The following USP6NL variants were observed in gnomAD, a reference collection of about 807,000 sequenced individuals.
The protein encoded by USP6NL is USP6 N-terminal like, also known as USP6 N-terminal-like protein.
In USP6NL, 26 loss-of-function variants were observed where a neutral mutation model predicts 61.9. That is an observed-to-expected ratio of 0.42 (90% CI 0.31 to 0.58). USP6NL has a LOEUF of 0.58. Ranked by LOEUF, USP6NL falls within the 20% of genes least tolerant of loss-of-function variation. The pLI, the probability that USP6NL is intolerant of heterozygous loss-of-function variation, is 0.16. For synonymous variants in USP6NL, 432 were observed against 390.1 expected, an observed-to-expected ratio of 1.11 and a Z score of -1.27; for missense variants, 1,114 against 1,034.3, an observed-to-expected ratio of 1.08 and a Z score of -1.06.
chr10:11,560,185 G>C (rs552257886), intron 2 of USP6NL, among the ~76,000 whole-genome samples: 1 of 152,280 alleles, frequency 6.6e-6, no homozygotes, highest in African/African-American at 2.4e-5. Context: ...CAGTCACTGA[G>C]TACTTGCTCT....
At chr10:11,535,276 A>G (rs1298220544) in intron 2 of USP6NL, among the ~76,000 whole-genome samples, 2 of 152,054 alleles carry the variant, frequency 1.3e-5, no homozygotes, top group Admixed American at 1.3e-4. Context: ...TTTCTCCAGT[A>G]CCCCAGTGGG....
At chr10:11,501,245 G>T in intron 6 of USP6NL, 37 bp from the exon 7 acceptor site, 1 of 1,519,510 alleles carries the variant, frequency 6.6e-7, no homozygotes, top group South Asian at 1.2e-5. Context: ...GTTACAAACT[G>T]AAAAAAACTT....
rs531901358 is a variant in USP6NL, at chr10:11,516,607, G to A, written c.195+1928C>T. On this transcript the variant is annotated intron_variant, in intron 5 of 14. Coordinates refer to ENST00000609104, the MANE Select transcript of USP6NL (RefSeq NM_014688.5). ...ACCAAAACTGTAAAAGGCAAGTCAT[G>A]CAATATGAGTGCAGTTTCCGTAAAA... 9.9e-4 allele frequency among the ~76,000 whole-genome samples: 150 copies of A among 152,264 alleles called. 2 individuals carry two copies. The highest frequency in any genetic ancestry group is 3.5e-3 in the African/African-American group (144 of 41,540).
In USP6NL at chr10:11,511,849, A is replaced by C. The variant is rs550513792; in HGVS notation, c.196-2174T>G. Among the ~76,000 whole-genome samples, 327 of 147,540 alleles carry C rather than the reference A, an allele frequency of 2.2e-3. No individual in the cohort carries two copies. Among genetic ancestry groups the C allele is most frequent in the African/African-American group, 4.5e-3 (179 of 40,210 alleles). On this transcript the variant is annotated intron_variant, in intron 5 of 14. Coordinates refer to ENST00000609104, the MANE Select transcript of USP6NL (RefSeq NM_014688.5). This position sits in a 1 kb window ranked among gnomAD's most constrained non-coding sequence, Gnocchi z 4.9. Reference sequence around the variant, plus strand: ...ATTATACACACACACACACACACACACCCCTTGGGAAGCTATAGGATCCGA... The same window carrying C: ...ATTATACACACACACACACACACACCCCCCTTGGGAAGCTATAGGATCCGA...
intron 6 of USP6NL, among the ~76,000 whole-genome samples, chr10:11,504,574 G>T (rs946474319): frequency 6.6e-6 from 1 of 152,152 alleles, no homozygotes; most frequent in Non-Finnish European, 1.5e-5. Context: ...TTATTAAAGT[G>T]GCAGAATTTA....
intron 2 of USP6NL, among the ~76,000 whole-genome samples, chr10:11,531,719 T>G (rs967149299): frequency 6.6e-6 from 1 of 152,080 alleles, no homozygotes; most frequent in African/African-American, 2.4e-5. Flanking sequence ...TCAAATTATT[T>G]TTATGATTTT....
chr10:11,585,018 T>G lies in USP6NL; in HGVS notation c.4+12613A>C, dbSNP rs1238594775. Among the ~76,000 whole-genome samples, 2 of 152,158 alleles carry G rather than the reference T, an allele frequency of 1.3e-5. No individual in the cohort carries two copies. The highest frequency in any genetic ancestry group is 2.9e-5 in the Non-Finnish European group (2 of 68,028). On this transcript the variant is annotated intron_variant, in intron 2 of 14. Transcript: ENST00000609104. This position sits in a 1 kb window ranked among gnomAD's most constrained non-coding sequence, Gnocchi z 4.5. ...AGCTACACTGCTTCATAATAAATTT[T>G]TGGAAGGTGCAAAAGGAGCATTCAA... is the stretch of plus-strand genomic sequence containing the variant.
intron 2 of USP6NL, among the ~76,000 whole-genome samples, chr10:11,555,473 G>GAGAGAA (rs1836675857): frequency 8.5e-6 from 1 of 117,250 alleles, no homozygotes; most frequent in East Asian, 2.3e-4. Flanking sequence ...GAGAGAGAAA[G>GAGAGAA]AGAGAGAGAG....
At chr10:11,609,357 G>A (rs773181735) in intron 1 of USP6NL, among the ~76,000 whole-genome samples, 27 of 152,096 alleles carry the variant, frequency 1.8e-4, no homozygotes, top group Non-Finnish European at 3.8e-4. Context: ...ATGAGCCACT[G>A]CAACCCGCCA....
Position 11,489,307 on chromosome 10 carries a change from C to A in USP6NL, c.544-85G>T, listed in dbSNP as rs566738502. ...CAGAGAAAAAGCTACTCTATAAAAA[C>A]CAGAAAATGCCTACACACATCATTT... On this transcript the variant is annotated intron_variant, in intron 9 of 14. Coordinates refer to ENST00000609104, the MANE Select transcript of USP6NL (RefSeq NM_014688.5). The surrounding 1 kb of genome is among the most constrained non-coding windows in gnomAD (Gnocchi z 5.7). 6 of 1,534,630 alleles carry A rather than the reference C, an allele frequency of 3.9e-6. No individual in the cohort carries two copies. The highest frequency in any genetic ancestry group is 1.3e-5 in the South Asian group (1 of 79,372).
At chr10:11,610,127 C>T (rs1323885300) in intron 1 of USP6NL, among the ~76,000 whole-genome samples, 1 of 152,110 alleles carries the variant, frequency 6.6e-6, no homozygotes, top group Non-Finnish European at 1.5e-5. Context: ...CCTGTACTTG[C>T]AATTAGGATT....
Position 11,470,288 on chromosome 10 carries a change from C to T in USP6NL, c.1079-6439G>A, listed in dbSNP as rs1409806929. Among the ~76,000 whole-genome samples the T allele has an allele frequency of 6.6e-6, 1 of 152,258 alleles. No individual in the cohort carries two copies. Among genetic ancestry groups the T allele is most frequent in the Non-Finnish European group, 1.5e-5 (1 of 68,006 alleles). ...ACCTCATGGAGGGCCCGCGGGGACT[C>T]GCTGGCTTTTCACAGCCTCTGTAGG... is the stretch of plus-strand genomic sequence containing the variant. On this transcript the variant is annotated intron_variant, in intron 14 of 14. Coordinates refer to ENST00000609104, the MANE Select transcript of USP6NL (RefSeq NM_014688.5). The surrounding 1 kb of genome is among the most constrained non-coding windows in gnomAD (Gnocchi z 5.4).
In USP6NL at chr10:11,591,361, G is replaced by A. The variant is rs775140065; in HGVS notation, c.4+6270C>T. 5.3e-5 allele frequency among the ~76,000 whole-genome samples: 8 copies of A among 152,042 alleles called. No individual in the cohort carries two copies. Among genetic ancestry groups the A allele is most frequent in the South Asian group, 2.1e-4 (1 of 4,832 alleles). ...AAAATTTATCTATATTATGCAATAC[G>A]TTGTAGATCTAAAAGAAAACGTTTA... is the stretch of plus-strand genomic sequence containing the variant. On this transcript the variant is annotated intron_variant, in intron 2 of 14. Transcript: ENST00000609104. This position sits in a 1 kb window ranked among gnomAD's most constrained non-coding sequence, Gnocchi z 4.7.
chr10:11,552,368 T>C (rs1382185959), intron 2 of USP6NL, among the ~76,000 whole-genome samples: 3 of 152,260 alleles, frequency 2.0e-5, no homozygotes, highest in African/African-American at 7.2e-5. Flanking sequence ...GATACTACCC[T>C]AAGTCCTACA....
At chr10:11,566,616 T>C (rs1315544284) in intron 2 of USP6NL, among the ~76,000 whole-genome samples, 1 of 152,246 alleles carries the variant, frequency 6.6e-6, no homozygotes, top group African/African-American at 2.4e-5. Flanking sequence ...CTATACAATC[T>C]ATCCAATACT....
At position 11,597,191 on chromosome 10, in the gene USP6NL, T is replaced by A. The variant is rs1838359060; in HGVS notation, c.4+440A>T. Among the ~76,000 whole-genome samples the A allele has an allele frequency of 6.6e-6, 1 of 152,242 alleles. No individual in the cohort carries two copies. Among genetic ancestry groups the A allele is most frequent in the Non-Finnish European group, 1.5e-5 (1 of 68,030 alleles). ...GTTAAGCCCAGGATAGCCTTGGTTC[T>A]TTGTTCTATCAGAGACATTGATAGA... On this transcript the variant is annotated intron_variant, in intron 2 of 14. Coordinates refer to ENST00000609104, the MANE Select transcript of USP6NL (RefSeq NM_014688.5). This position sits in a 1 kb window ranked among gnomAD's most constrained non-coding sequence, Gnocchi z 4.6.
At chr10:11,563,843 C>A (rs543347458) in intron 2 of USP6NL, 1 of 152,178 alleles carries the variant, frequency 6.6e-6, no homozygotes, top group African/African-American at 2.4e-5. Context: ...CGACTCCCAG[C>A]CCCTGAGCAT....
At chr10:11,555,162 T>C (rs1836643361) in intron 2 of USP6NL, among the ~76,000 whole-genome samples, 1 of 142,636 alleles carries the variant, frequency 7.0e-6, no homozygotes, top group African/African-American at 2.6e-5. Flanking sequence ...ACGGCTCTAA[T>C]CCCAGCACTT....
chr10:11,463,051 A>G lies in USP6NL; in HGVS notation c.1877T>C (p.Leu626Pro), dbSNP rs1316623830. The part of the protein sequence containing the change: ...PSQLDGEARG[L>P]AHPPSYSNPP... Reference sequence around the variant, plus strand: ...ATTGCTGTAGGAGGGGGGATGAGCTAGCCCTCGGGCTTCCCCATCTAGCTG... The same window carrying G: ...ATTGCTGTAGGAGGGGGGATGAGCTGGCCCTCGGGCTTCCCCATCTAGCTG... The change falls in exon 15 of 15, where the codon CTA becomes CCA. Residue 626 changes from leucine to proline, a missense_variant. Physicochemically the swap from Leu to Pro is moderately conservative, Grantham distance 98. Transcript: ENST00000609104. This position sits in a 1 kb window ranked among gnomAD's most constrained non-coding sequence, Gnocchi z 6.3. 7 of 1,614,032 alleles carry G rather than the reference A, an allele frequency of 4.3e-6. No individual in the cohort carries two copies.
Sources: allele counts gnomAD v4.1 joint callset (sites outside exome capture counted in the v4.1 genomes callset), GRCh38; gene constraint gnomAD v4.1.1; non-coding constraint Gnocchi (gnomAD v3.1); transcripts MANE v1.5; gene names NCBI Gene and HGNC (gene_info 2026-07-23, HGNC 2026-07-21).